The following PRKN variants were observed in gnomAD, a reference collection of about 807,000 sequenced individuals.
The protein encoded by PRKN is parkin RBR E3 ubiquitin protein ligase.
In PRKN, 56 loss-of-function variants were observed where a neutral mutation model predicts 59.5. The observed-to-expected ratio is 0.94, with a 90% CI of 0.76 to 1.18. The LOEUF (loss-of-function observed/expected upper bound fraction) is 1.18, where lower values mean the gene tolerates loss of function less well. Ranked by LOEUF, PRKN falls within the 50% of genes most tolerant of loss-of-function variation. PRKN has a pLI of 0.00. For missense variants in PRKN, 657 were observed against 596.4 expected (o/e 1.10, Z -1.06); for synonymous variants, 250 against 222.1 (o/e 1.13, Z -1.12).
chr6:161,400,188 C>A lies in PRKN; in HGVS notation c.1084-13311G>T, dbSNP rs539459332. ...GACCCTGCTGTCTGAGGACTCCTTG[C>A]ACGATGCAGAGTTCAGTTAAGGGTC... On this transcript the variant is annotated intron_variant, in intron 9 of 11. Coordinates refer to ENST00000366898, the MANE Select transcript of PRKN (RefSeq NM_004562.3). This position sits in a 1 kb window ranked among gnomAD's most constrained non-coding sequence, Gnocchi z 4.2. 2.6e-3 allele frequency among the ~76,000 whole-genome samples: 400 copies of A among 152,198 alleles called. 1 individual carries two copies. Among genetic ancestry groups the A allele is most frequent in the Non-Finnish European group, 2.9e-3 (196 of 68,022 alleles).
intron 6 of PRKN, among the ~76,000 whole-genome samples, chr6:161,793,905 C>T (rs1273778236): frequency 1.3e-5 from 2 of 152,188 alleles, no homozygotes; most frequent in East Asian, 3.8e-4. Context: ...CTTAAATTCT[C>T]ATCCAGTAAG....
intron 1 of PRKN, among the ~76,000 whole-genome samples, chr6:162,622,385 T>C (rs1782712929): frequency 6.6e-6 from 1 of 151,836 alleles, no homozygotes; most frequent in Non-Finnish European, 1.5e-5. Context: ...GGTTTTGCAA[T>C]GTTGGCCAGG....
chr6:161,386,775 T>G lies in PRKN; in HGVS notation c.1167+19A>C, dbSNP rs766523228. The G allele has an allele frequency of 6.3e-7, 1 of 1,575,078 alleles. No individual in the cohort carries two copies. The highest frequency in any genetic ancestry group is 8.7e-7 in the Non-Finnish European group (1 of 1,144,432). On this transcript the variant is annotated intron_variant, in intron 10 of 11. Transcript: ENST00000366898. This position sits in a 1 kb window ranked among gnomAD's most constrained non-coding sequence, Gnocchi z 4.3. ...GTATCCGGAGCCCTGCTTGGAGGAA[T>G]GAGTAGGGCATTCTGTACCTGAGTA...
At chr6:161,650,886 C>T (rs1256751840) in intron 7 of PRKN, among the ~76,000 whole-genome samples, 1 of 152,124 alleles carries the variant, frequency 6.6e-6, no homozygotes, top group Non-Finnish European at 1.5e-5. Context: ...CTCAGAGGAG[C>T]TCTTTCTAAT....
intron 6 of PRKN, among the ~76,000 whole-genome samples, chr6:161,838,431 A>G (rs973755551): frequency 4.6e-5 from 7 of 152,204 alleles, no homozygotes; most frequent in African/African-American, 1.2e-4. Flanking sequence ...TGCAGGCTGC[A>G]TGCCTTTGGG....
chr6:161,859,971 T>C (rs1793823596), intron 6 of PRKN, among the ~76,000 whole-genome samples: 1 of 152,336 alleles, frequency 6.6e-6, no homozygotes, highest in South Asian at 2.1e-4. Flanking sequence ...CTTAGTATAA[T>C]TGCCTGCTAC....
intron 2 of PRKN, among the ~76,000 whole-genome samples, chr6:162,272,287 G>A (rs1034465488): frequency 3.9e-5 from 6 of 152,098 alleles, no homozygotes; most frequent in Admixed American, 2.0e-4. Flanking sequence ...CCAAAGCTAT[G>A]CCCATTAAAC....
At chr6:161,738,565 C>T (rs888263425) in intron 7 of PRKN, among the ~76,000 whole-genome samples, 13 of 152,242 alleles carry the variant, frequency 8.5e-5, no homozygotes, top group African/African-American at 3.1e-4. Context: ...ACCACAGGCT[C>T]CCCGTGCCAC....
chr6:162,272,607 C>T (rs1256648969), intron 2 of PRKN, among the ~76,000 whole-genome samples: 1 of 152,022 alleles, frequency 6.6e-6, no homozygotes, highest in Non-Finnish European at 1.5e-5. Context: ...GCCACGCTTC[C>T]CAAATTCCAA....
rs937921776 is a variant in PRKN, at chr6:162,262,658, T to C, written c.279A>G (p.Gly93=). 1.2e-6 allele frequency: 2 copies of C among 1,613,516 alleles called. No homozygotes were observed. The highest frequency in any genetic ancestry group is 1.3e-5 in the African/African-American group (1 of 74,824). ...AGCTCTGGGGCTCCCGCTCACAGCC[T>C]CCCGCCGCGTTTCTGGGGTCGTCGC... ...TGGDDPRNAA[G]GCEREPQSLT... is the part of the protein sequence containing the mutation. Residue 93 remains glycine (G), a synonymous_variant, in exon 3 of 12, where the codon GGA becomes GGG. Coordinates refer to ENST00000366898, the MANE Select transcript of PRKN (RefSeq NM_004562.3).
rs576842743 is a variant in PRKN at position 162,557,069 on chromosome 6, A to G, written c.8-113596T>C. On this transcript the variant is annotated intron_variant, in intron 1 of 11. Transcript: ENST00000366898. ...CCTTATGACAAGTGTTACTACCCAT[A>G]CTCAGGAAACCCCGATGTTGCCAGC... is the stretch of plus-strand genomic sequence containing the variant. Among the ~76,000 whole-genome samples the G allele has an allele frequency of 6.6e-5, 10 of 152,320 alleles. No individual in the cohort carries two copies. The East Asian group carries it at 1.9e-3, about 29-fold the overall frequency.
chr6:161,798,996 C>T (rs565752377), intron 6 of PRKN, among the ~76,000 whole-genome samples: 32 of 152,210 alleles, frequency 2.1e-4, no homozygotes, highest in Non-Finnish European at 4.4e-4. Context: ...TCTCGCCAGA[C>T]TAGAGGCCAG....
chr6:162,368,841 A>C (rs186986433), intron 2 of PRKN, among the ~76,000 whole-genome samples: 1 of 152,342 alleles, frequency 6.6e-6, no homozygotes, highest in Non-Finnish European at 1.5e-5. Context: ...ACAATTACAG[A>C]GAGCCAAACC....
chr6:162,555,028 C>T (rs1185549842), intron 1 of PRKN, among the ~76,000 whole-genome samples: 5 of 152,120 alleles, frequency 3.3e-5, no homozygotes, highest in Non-Finnish European at 7.3e-5. Flanking sequence ...ATGCTTCTAA[C>T]AGACTTTTCA....
At position 161,560,040 on chromosome 6, in the gene PRKN, C is replaced by T. The variant is rs962975463; in HGVS notation, c.933+9315G>A. Among the ~76,000 whole-genome samples the T allele has an allele frequency of 1.8e-4, 27 of 152,106 alleles. No individual in the cohort carries two copies. The highest frequency in any genetic ancestry group is 5.1e-4 in the African/African-American group (21 of 41,428). ...ATCATCACAATGCATCCCTCATGCC[C>T]CACATCATTGCTTCAGAGGCTCAAG... On this transcript the variant is annotated intron_variant, in intron 8 of 11. Coordinates refer to ENST00000366898, the MANE Select transcript of PRKN (RefSeq NM_004562.3). This position sits in a 1 kb window ranked among gnomAD's most constrained non-coding sequence, Gnocchi z 4.9.
chr6:162,128,900 C>A (rs1001761335), intron 4 of PRKN, among the ~76,000 whole-genome samples: 24 of 152,112 alleles, frequency 1.6e-4, no homozygotes, highest in African/African-American at 5.8e-4. Context: ...AAGTTCCAGC[C>A]TCCAGAACTT....
intron 1 of PRKN, among the ~76,000 whole-genome samples, chr6:162,643,649 G>A (rs977117711): frequency 6.6e-6 from 1 of 151,904 alleles, no homozygotes; most frequent in Non-Finnish European, 1.5e-5. Flanking sequence ...CTAATAAAAA[G>A]CAATCACTAT....
rs192369265 is a variant in PRKN, at chr6:161,430,659, C to A, written c.1084-43782G>T. ...TGAAACCCTGTCTCTACTAAAAATACAAAAAATTAGCCCGGCATAGTGGCG... is the reference window on the plus strand; with the variant it reads ...TGAAACCCTGTCTCTACTAAAAATAAAAAAAATTAGCCCGGCATAGTGGCG... On this transcript the variant is annotated intron_variant, in intron 9 of 11. Transcript: ENST00000366898. Among the ~76,000 whole-genome samples the A allele has an allele frequency of 5.7e-3, 861 of 151,452 alleles. 6 individuals carry two copies. The highest frequency in any genetic ancestry group is 0.02 in the African/African-American group (844 of 41,206).
At chr6:162,091,287 A>G (rs1200764289) in intron 4 of PRKN, among the ~76,000 whole-genome samples, 1 of 152,192 alleles carries the variant, frequency 6.6e-6, no homozygotes, top group Non-Finnish European at 1.5e-5. Flanking sequence ...ACATCCGATA[A>G]CTGCCTACAA....
Sources: gnomAD v4.1 joint callset for allele counts (sites outside exome capture counted in the v4.1 genomes callset) on GRCh38, gnomAD v4.1.1 for gene constraint, Gnocchi (gnomAD v3.1) non-coding constraint, MANE v1.5 for transcripts, NCBI Gene and HGNC (gene_info 2026-07-23, HGNC 2026-07-21) for gene names.